Variants in LARP1 observed in about 807,000 individuals in gnomAD.
LARP1 encodes la-related protein 1.
A neutral mutation model predicts 122.7 loss-of-function variants in LARP1; 36 were observed. That is an observed-to-expected ratio of 0.29 (90% CI 0.22 to 0.39). The LOEUF is 0.39. Among genes scored for constraint, LARP1 ranks in the 10% least tolerant of loss-of-function variants. The pLI is 1.00. For missense variants in LARP1, 1,040 were observed against 1,403.6 expected, an observed-to-expected ratio of 0.74 and a Z score of 4.14; for synonymous variants, 539 against 528.7, an observed-to-expected ratio of 1.02 and a Z score of -0.27.
intron 1 of LARP1, among the ~76,000 whole-genome samples, chr5:154,725,344 G>A (rs1036983660): frequency 2.0e-5 from 3 of 149,078 alleles, no homozygotes; most frequent in South Asian, 2.1e-4. Flanking sequence ...AGCTGAAATC[G>A]TGCCCCTGTA....
In LARP1 at chr5:154,755,452, G is replaced by C; in HGVS notation, c.-306G>C. The C allele has an allele frequency of 1.4e-6, 1 of 736,040 alleles. No homozygotes were observed. The highest frequency in any genetic ancestry group is 1.7e-6 in the Non-Finnish European group (1 of 601,854). 45.6% of individuals were successfully genotyped at this position (736,040 alleles called of 1,614,324 possible). A position where few individuals can be genotyped will look rare whatever the true frequency, so the allele number is the denominator to read the frequency against. ...CGGGGGGGAGGGAGGGACGGGACTA[G>C]AAGCCTGCCGGGCTCGGGGTGGGGG... On this transcript the variant is annotated 5_prime_UTR_variant, in exon 1 of 19. Transcript: ENST00000518297.
At position 154,803,583 on chromosome 5, in the gene LARP1, G is replaced by A; in HGVS notation, c.2277G>A (p.Glu759=). The change falls in exon 13 of 19, where the codon GAG becomes GAA. Residue 759 remains glutamate (E), a synonymous_variant. Coordinates refer to ENST00000518297, the MANE Select transcript of LARP1 (RefSeq NM_033551.3). This position sits in a 1 kb window ranked among gnomAD's most constrained non-coding sequence, Gnocchi z 4.4. The stretch of plus-strand genomic sequence containing the variant: ...CCAACAAGTTGTTTGGTGCTCCTGA[G>A]CCCTCCACCATCGCCCGCTCTCTAC... ...ALANKLFGAP[E]PSTIARSLPT... is the part of the protein sequence containing the mutation. The A allele has an allele frequency of 1.2e-6, 2 of 1,614,156 alleles. No homozygotes were observed. Among genetic ancestry groups the A allele is most frequent in the Non-Finnish European group, 1.7e-6 (2 of 1,180,026 alleles).
At chr5:154,799,335 C>G (rs1758153304) in intron 8 of LARP1, among the ~76,000 whole-genome samples, 1 of 152,282 alleles carries the variant, frequency 6.6e-6, no homozygotes, top group Middle Eastern at 3.4e-3. Context: ...TGCAAGTGTT[C>G]TCTAGAGCAG....
chr5:154,717,852 TTCTC>T (rs1040611762), intron 1 of LARP1, among the ~76,000 whole-genome samples: 2 of 151,976 alleles, frequency 1.3e-5, no homozygotes, highest in African/African-American at 4.8e-5. Context: ...GGTGAGAATG[TTCTC>T]TCTTTCTCTG....
Position 154,764,853 on chromosome 5 carries a change from C to T in LARP1, c.436+8660C>T, listed in dbSNP as rs1754791310. 2.7e-5 allele frequency among the ~76,000 whole-genome samples: 4 copies of T among 148,030 alleles called. No homozygotes were observed. The South Asian group carries it at 6.5e-4, about 24-fold the overall frequency. On this transcript the variant is annotated intron_variant, in intron 1 of 18. Coordinates refer to ENST00000518297, the MANE Select transcript of LARP1 (RefSeq NM_033551.3). ...CTGGGAGGCAGAGGTTGCAGTGAGC[C>T]GAGATCATGCCACTGCTCTCCAGCC...
At position 154,788,533 on chromosome 5, in the gene LARP1, C is replaced by T. The variant is rs567879700; in HGVS notation, c.437-1792C>T. 5.3e-5 allele frequency among the ~76,000 whole-genome samples: 8 copies of T among 152,222 alleles called. No homozygotes were observed. The South Asian group carries it at 8.3e-4, about 16-fold the overall frequency. On this transcript the variant is annotated intron_variant, in intron 1 of 18. Transcript: ENST00000518297. ...CAGCCGGGCAAATTTCTCTGCTGCT[C>T]GGGGTTTGGGGGCAGCTCTCGCCCT...
At chr5:154,704,011 A>C (rs1754837043) in intron 1 of LARP1, among the ~76,000 whole-genome samples, 1 of 152,178 alleles carries the variant, frequency 6.6e-6, no homozygotes, top group African/African-American at 2.4e-5. Flanking sequence ...CTGGGGATAC[A>C]ACAGTGAACA....
chr5:154,713,729 G>A (rs1334818928), intron 1 of LARP1, among the ~76,000 whole-genome samples: 1 of 152,204 alleles, frequency 6.6e-6, no homozygotes, highest in African/African-American at 2.4e-5. Flanking sequence ...TCTCTGCAGT[G>A]CTGCCTCACA....
At chr5:154,781,098 T>A (rs1329596395) in intron 1 of LARP1, among the ~76,000 whole-genome samples, 1 of 151,970 alleles carries the variant, frequency 6.6e-6, no homozygotes, top group Non-Finnish European at 1.5e-5. Context: ...TTGTGTTACC[T>A]GAGGTGGTGG....
At chr5:154,790,298 A>G in intron 1 of LARP1, 27 bp from the exon 2 acceptor site, 1 of 1,605,952 alleles carries the variant, frequency 6.2e-7, no homozygotes, top group Non-Finnish European at 8.5e-7. Flanking sequence ...GCTTTGCATT[A>G]CTAACTCTCC....
chr5:154,747,440 A>G (rs762091444), intron 1 of LARP1, among the ~76,000 whole-genome samples: 10 of 152,266 alleles, frequency 6.6e-5, no homozygotes, highest in Non-Finnish European at 1.3e-4. Context: ...GCGGTGGCTC[A>G]TGCCTGTAGT....
At chr5:154,701,464 G>A (rs2113248340) in intron 1 of LARP1, among the ~76,000 whole-genome samples, 1 of 152,236 alleles carries the variant, frequency 6.6e-6, no homozygotes, top group Admixed American at 6.5e-5. Context: ...CATGTTCAGA[G>A]CTGACTCCAG....
Position 154,814,308 on chromosome 5 carries a change from C to T in LARP1, c.*212C>T. On this transcript the variant is annotated 3_prime_UTR_variant, in exon 19 of 19. Transcript: ENST00000518297. ...TACATCCCCTTCCCCCTCCTCTCTC[C>T]ATGACTCTTGACATCCTAGCTTCTT... 1 of 488,760 alleles carries T rather than the reference C, an allele frequency of 2.0e-6. No homozygotes were observed. The highest frequency in any genetic ancestry group is 3.7e-6 in the Non-Finnish European group (1 of 272,412). 30.3% of individuals were successfully genotyped at this position (488,760 alleles called of 1,614,324 possible).
chr5:154,694,888 C>G (rs1754395269), intron 1 of LARP1, among the ~76,000 whole-genome samples: 1 of 151,824 alleles, frequency 6.6e-6, no homozygotes, highest in Non-Finnish European at 1.5e-5. Context: ...ATTTTCTTTC[C>G]CTTTTTTTTG....
At chr5:154,756,491 T>C in intron 1 of LARP1, 1 of 985,766 alleles carries the variant, frequency 1.0e-6, no homozygotes, top group Non-Finnish European at 1.2e-6. Context: ...TGGGCGCTGG[T>C]TTCAGTGAAA....
At chr5:154,713,111 G>A in exon 1 of LARP1, 1 of 1,613,774 alleles carries the variant, frequency 6.2e-7, no homozygotes, top group African/African-American at 1.3e-5. Flanking sequence ...TCCCTGTCCT[G>A]GCCCCCTTCA....
At chr5:154,768,856 C>T (rs1408868857) in intron 1 of LARP1, among the ~76,000 whole-genome samples, 1 of 152,146 alleles carries the variant, frequency 6.6e-6, no homozygotes, top group Admixed American at 6.6e-5. Flanking sequence ...GCTGTGATTA[C>T]AGGCATGAAC....
intron 16 of LARP1, among the ~76,000 whole-genome samples, chr5:154,810,155 A>G (rs1759141484): frequency 6.6e-6 from 1 of 151,938 alleles, no homozygotes; most frequent in African/African-American, 2.4e-5. Context: ...CTAAATCTGG[A>G]CTGGGTGCTG....
chr5:154,792,127 G>A (rs1757398266), intron 3 of LARP1: 1 of 351,498 alleles, frequency 2.8e-6, no homozygotes, highest in Non-Finnish European at 5.9e-6. Flanking sequence ...CATGTCTTGG[G>A]GAAGCTTATA....
Sources: gnomAD v4.1 joint callset for allele counts (sites outside exome capture counted in the v4.1 genomes callset) on GRCh38, gnomAD v4.1.1 for gene constraint, Gnocchi (gnomAD v3.1) non-coding constraint, MANE v1.5 for transcripts, NCBI Gene and HGNC (gene_info 2026-07-23, HGNC 2026-07-21) for gene names.